GLT1D1: variants seen among roughly 807,000 people sequenced by gnomAD.
GLT1D1 encodes the protein glycosyltransferase 1 domain containing 1, also known as glycosyltransferase 1 domain-containing protein 1.
GLT1D1 carries 21 observed loss-of-function variants against 28.7 expected under a neutral mutation model. The ratio of observed to expected loss-of-function variants is 0.73; its 90% confidence interval spans 0.52 to 1.05. The LOEUF (loss-of-function observed/expected upper bound fraction) is 1.05. Among genes scored for constraint, GLT1D1 ranks in the 50% least tolerant of loss-of-function variants. GLT1D1 has a pLI of 0.00. For missense variants in GLT1D1, 343 were observed against 330.6 expected (o/e 1.04, Z -0.29); for synonymous variants, 147 against 124.8 (o/e 1.18, Z -1.19).
At chr12:128,909,917 A>G in intron 4 of GLT1D1, among the ~76,000 whole-genome samples, 1 of 152,270 alleles carries the variant, frequency 6.6e-6, no homozygotes, top group East Asian at 1.9e-4. Flanking sequence ...GACTCATGTT[A>G]TTTCAAGGCA....
In GLT1D1 at chr12:128,966,812, C is replaced by T. The variant is rs117968988; in HGVS notation, c.639+9169C>T. 7.5e-3 allele frequency among the ~76,000 whole-genome samples: 1,144 copies of T among 152,102 alleles called. 8 individuals are homozygous for T. The highest frequency in any genetic ancestry group is 0.013 in the Non-Finnish European group (898 of 67,996). On this transcript the variant is annotated intron_variant, in intron 7 of 7. Transcript: ENST00000281703. ...TTTTTAATTTTTTTTTAAAAAATGACGATTAAACATATTCAGCCCTGGTAG... is the reference window on the plus strand; with the variant it reads ...TTTTTAATTTTTTTTTAAAAAATGATGATTAAACATATTCAGCCCTGGTAG...
chr12:128,933,945 A>G (rs1337498968), intron 4 of GLT1D1, among the ~76,000 whole-genome samples: 1 of 152,176 alleles, frequency 6.6e-6, no homozygotes, highest in Non-Finnish European at 1.5e-5. Context: ...CTTGGGACAC[A>G]TTAAAATTCT....
chr12:128,933,508 C>G (rs1874180922), intron 4 of GLT1D1, among the ~76,000 whole-genome samples: 1 of 152,166 alleles, frequency 6.6e-6, no homozygotes, highest in South Asian at 2.1e-4. Context: ...TTATTTTACC[C>G]CAAAATTGAT....
At chr12:128,928,183 T>C (rs1489042847) in intron 4 of GLT1D1, among the ~76,000 whole-genome samples, 2 of 152,038 alleles carry the variant, frequency 1.3e-5, no homozygotes, top group Non-Finnish European at 2.9e-5. Context: ...CTCAACAAAC[T>C]TGGCACGGTT....
At chr12:128,939,116 G>A (rs1379945510) in intron 4 of GLT1D1, among the ~76,000 whole-genome samples, 1 of 152,122 alleles carries the variant, frequency 6.6e-6, no homozygotes, top group Non-Finnish European at 1.5e-5. Flanking sequence ...GTGTCACGGT[G>A]AGGTTTCTGC....
chr12:128,934,783 A>G, intron 4 of GLT1D1, among the ~76,000 whole-genome samples: 1 of 152,220 alleles, frequency 6.6e-6, no homozygotes, highest in East Asian at 1.9e-4. Flanking sequence ...TGTCGCGTCA[A>G]GAAGCCCTTC....
At chr12:128,907,557 A>G (rs954251278) in intron 4 of GLT1D1, among the ~76,000 whole-genome samples, 3 of 152,124 alleles carry the variant, frequency 2.0e-5, no homozygotes, top group Admixed American at 6.6e-5. Context: ...CACCCGCCTC[A>G]GCCTCCCAAA....
chr12:128,960,448 G>A (rs1365289723), intron 7 of GLT1D1, among the ~76,000 whole-genome samples: 1 of 152,214 alleles, frequency 6.6e-6, no homozygotes, highest in Admixed American at 6.5e-5. Flanking sequence ...TGGGTTGCCA[G>A]TGTTGGCAAG....
At chr12:128,878,070 C>A (rs1165731498) in intron 2 of GLT1D1, among the ~76,000 whole-genome samples, 1 of 152,180 alleles carries the variant, frequency 6.6e-6, no homozygotes, top group Non-Finnish European at 1.5e-5. Context: ...ATGACCCAGG[C>A]TCAGAAGTCA....
chr12:128,859,425 C>A (rs574340000), intron 1 of GLT1D1, among the ~76,000 whole-genome samples: 1 of 152,286 alleles, frequency 6.6e-6, no homozygotes, highest in African/African-American at 2.4e-5. Flanking sequence ...GGAGGGGGAG[C>A]CATTTTGCCC....
intron 7 of GLT1D1, among the ~76,000 whole-genome samples, chr12:128,976,308 C>A (rs192795083): frequency 6.2e-4 from 95 of 152,332 alleles, no homozygotes; most frequent in African/African-American, 2.2e-3. Flanking sequence ...TGAACCCCAC[C>A]CTCCACCCAC....
At chr12:128,935,678 C>T (rs1310412007) in intron 4 of GLT1D1, among the ~76,000 whole-genome samples, 1 of 152,090 alleles carries the variant, frequency 6.6e-6, no homozygotes, top group East Asian at 1.9e-4. Context: ...GTTTCTCAGG[C>T]TGGTCTGGAA....
intron 7 of GLT1D1, among the ~76,000 whole-genome samples, chr12:128,979,729 G>T (rs1282379972): frequency 6.6e-6 from 1 of 151,716 alleles, no homozygotes. Context: ...CTCCAGCCTG[G>T]GTAACACTGC....
intron 4 of GLT1D1, among the ~76,000 whole-genome samples, chr12:128,908,365 C>A (rs1048168457): frequency 9.8e-6 from 1 of 101,922 alleles, no homozygotes; most frequent in East Asian, 3.8e-4. Context: ...TCTTTCTTTT[C>A]TTTCTTTCTT....
At chr12:128,874,116 C>CCCTT (rs1555261625) in intron 1 of GLT1D1, among the ~76,000 whole-genome samples, 1 of 59,526 alleles carries the variant, frequency 1.7e-5, no homozygotes, top group African/African-American at 8.6e-5. Flanking sequence ...CTCTCTCTCT[C>CCCTT]TCTCTCTCTC....
At chr12:128,948,152 T>G (rs1285530371) in intron 6 of GLT1D1, among the ~76,000 whole-genome samples, 1 of 152,158 alleles carries the variant, frequency 6.6e-6, no homozygotes, top group African/African-American at 2.4e-5. Flanking sequence ...TAAAAGATCC[T>G]GGCAATCCTC....
rs34715979 is a variant in GLT1D1 at position 128,855,746 on chromosome 12, C to CTTTTTTT, written c.68+2115_68+2121dup. On this transcript the variant is annotated intron_variant, in intron 1 of 7. Coordinates refer to ENST00000281703, the MANE Select transcript of GLT1D1 (RefSeq NM_144669.3). ...AGCAGCCCCAAGGGCTGCTGGTTGCCTTTTTTTTTTTTTTTTTTTTTTTTG... is the reference window on the plus strand; with the variant it reads ...AGCAGCCCCAAGGGCTGCTGGTTGCCTTTTTTTTTTTTTTTTTTTTTTTTTTTTTTTG... Among the ~76,000 whole-genome samples, 169 of 95,168 alleles carry CTTTTTTT rather than the reference C, an allele frequency of 1.8e-3. 4 individuals are homozygous for CTTTTTTT. In the East Asian group the frequency reaches 0.031, roughly 18 times the overall value. The allele number at this position is 95,168 out of a possible 152,430, so 62.4% of individuals were successfully genotyped here.
intron 4 of GLT1D1, among the ~76,000 whole-genome samples, chr12:128,918,300 G>C (rs1872309115): frequency 6.6e-6 from 1 of 152,136 alleles, no homozygotes; most frequent in Non-Finnish European, 1.5e-5. Context: ...CACACACTGG[G>C]ACCTGTCAGG....
At chr12:128,881,534 G>GAAAAAAAAA (rs1161429342) in intron 2 of GLT1D1, among the ~76,000 whole-genome samples, 4 of 23,918 alleles carry the variant, frequency 1.7e-4, no homozygotes, top group Non-Finnish European at 2.3e-4. Flanking sequence ...ACTCTGTATC[G>GAAAAAAAAA]AAAAAAAAAA....
Sources: allele counts gnomAD v4.1 joint callset (sites outside exome capture counted in the v4.1 genomes callset), GRCh38; gene constraint gnomAD v4.1.1; transcripts MANE v1.5; gene names NCBI Gene and HGNC (gene_info 2026-07-23, HGNC 2026-07-21).